Variants in CTTNBP2 observed in about 807,000 individuals in gnomAD.
CTTNBP2 encodes cortactin-binding protein 2.
CTTNBP2 carries 108 observed loss-of-function variants against 156.9 expected under a neutral mutation model. That is an observed-to-expected ratio of 0.69 (90% CI 0.59 to 0.81). The LOEUF is 0.81. Ranked by LOEUF, CTTNBP2 falls within the 30% of genes least tolerant of loss-of-function variation. The pLI, the probability that CTTNBP2 is intolerant of heterozygous loss-of-function variation, is 0.00. For missense variants in CTTNBP2, 1,924 were observed against 2,035.4 expected, an observed-to-expected ratio of 0.95 and a Z score of 1.05; for synonymous variants, 767 against 751.8, an observed-to-expected ratio of 1.02 and a Z score of -0.33.
intron 2 of CTTNBP2, among the ~76,000 whole-genome samples, chr7:117,814,056 AT>A (rs1340686177): frequency 6.6e-6 from 1 of 152,182 alleles, no homozygotes; most frequent in Non-Finnish European, 1.5e-5. Flanking sequence ...AACATATTTT[AT>A]GATGTACAGT....
At chr7:117,833,998 A>G (rs1357612802) in intron 2 of CTTNBP2, among the ~76,000 whole-genome samples, 4 of 152,130 alleles carry the variant, frequency 2.6e-5, no homozygotes, top group Non-Finnish European at 5.9e-5. Flanking sequence ...CAACATCTTA[A>G]TGGTGGCTTA....
Position 117,724,574 on chromosome 7 carries a change from AG to A in CTTNBP2, c.4419del (p.Trp1474GlyfsTer6). 2 of 1,613,866 alleles carry A rather than the reference AG, an allele frequency of 1.2e-6. No homozygotes were observed. The highest frequency in any genetic ancestry group is 1.7e-6 in the Non-Finnish European group (2 of 1,179,976). On this transcript the variant is annotated frameshift_variant, in exon 19 of 23. Coordinates refer to ENST00000160373, the MANE Select transcript of CTTNBP2 (RefSeq NM_033427.3). LOFTEE classifies it high-confidence loss of function. The part of the protein sequence containing the change: ...RRKSGRFSLP[T>X]WNKPDLSTEG... The stretch of plus-strand genomic sequence containing the variant: ...TCAGTGCTTAGGTCTGGCTTATTCC[AG>A]GTGGGTAAAGAGAAGCGGCCAGACT...
chr7:117,867,120 A>G (rs1007988437), intron 1 of CTTNBP2, among the ~76,000 whole-genome samples: 1 of 152,228 alleles, frequency 6.6e-6, no homozygotes. Context: ...AGAAAAGTAC[A>G]TACTTCTCAA....
intron 2 of CTTNBP2, among the ~76,000 whole-genome samples, chr7:117,827,076 C>G (rs935937357): frequency 3.3e-5 from 5 of 152,082 alleles, no homozygotes; most frequent in East Asian, 1.9e-4. Context: ...GCAGGCTGGT[C>G]TCAAACTCCT....
Position 117,861,212 on chromosome 7 carries a change from C to T in CTTNBP2, c.186G>A (p.Leu62=), listed in dbSNP as rs1053842004. ...CCCACTCCTGTGTCGTCCTTACCCG[C>T]AGGGCCTCGATGACAAGGTCTCTGG... The part of the protein sequence containing the change: ...LEARDLVIEA[L]RARRKEVFIQ... The change falls in exon 2 of 23, where the codon CTG becomes CTA. Residue 62 remains leucine (L), a synonymous_variant. Coordinates refer to ENST00000160373, the MANE Select transcript of CTTNBP2 (RefSeq NM_033427.3). 1.2e-5 allele frequency: 19 copies of T among 1,607,852 alleles called. No individual in the cohort carries two copies. In the African/African-American group the frequency reaches 1.6e-4, roughly 14 times the overall value.
rs115416769 is a variant in CTTNBP2, at chr7:117,749,705, T to C, written c.3349-3606A>G. 1.8e-3 allele frequency among the ~76,000 whole-genome samples: 266 copies of C among 147,308 alleles called. 5 individuals carry two copies. The highest frequency in any genetic ancestry group is 6.3e-3 in the African/African-American group (258 of 40,720). ...AATTTTCTAAGTGGTATAAATCTTT[T>C]TTTATTTTTTTTTTAATCACCAGGA... is the stretch of plus-strand genomic sequence containing the variant. On this transcript the variant is annotated intron_variant, in intron 12 of 22. Transcript: ENST00000160373.
chr7:117,873,237 A>G, intron 1 of CTTNBP2, 98 bp downstream of exon 1: 1 of 936,388 alleles, frequency 1.1e-6, no homozygotes, highest in Non-Finnish European at 1.4e-6. Flanking sequence ...GGCTTACGGA[A>G]CGCCCCGGGG....
chr7:117,799,283 C>T (rs1213246656), intron 3 of CTTNBP2, among the ~76,000 whole-genome samples: 1 of 151,436 alleles, frequency 6.6e-6, no homozygotes, highest in South Asian at 2.1e-4. Context: ...AAATGAAATC[C>T]ACCAATATAT....
chr7:117,738,565 T>C (rs1166779460), intron 14 of CTTNBP2, among the ~76,000 whole-genome samples: 1 of 152,114 alleles, frequency 6.6e-6, no homozygotes, highest in South Asian at 2.1e-4. Context: ...GGCTGACTTA[T>C]TGAAAGAGGG....
intron 2 of CTTNBP2, among the ~76,000 whole-genome samples, chr7:117,855,587 T>A (rs142413614): frequency 6.1e-4 from 93 of 152,294 alleles, no homozygotes; most frequent in African/African-American, 2.2e-3. Context: ...CTGCTAAATA[T>A]CTTACATGTG....
intron 12 of CTTNBP2, among the ~76,000 whole-genome samples, chr7:117,750,892 T>A (rs1323653064): frequency 6.6e-6 from 1 of 152,166 alleles, no homozygotes; most frequent in Non-Finnish European, 1.5e-5. Flanking sequence ...TTGAAAAAGA[T>A]CAAACACAAC....
chr7:117,852,112 G>A (rs1802965362), intron 2 of CTTNBP2, among the ~76,000 whole-genome samples: 1 of 152,024 alleles, frequency 6.6e-6, no homozygotes, highest in South Asian at 2.1e-4. Context: ...CCTTGGTAGT[G>A]CCTCTATCAT....
chr7:117,796,379 TAAGAG>T (rs1404256995), intron 3 of CTTNBP2, among the ~76,000 whole-genome samples: 3 of 152,170 alleles, frequency 2.0e-5, no homozygotes, highest in African/African-American at 7.2e-5. Flanking sequence ...TATGTGTACT[TAAGAG>T]AATAAGAGAT....
intron 4 of CTTNBP2, among the ~76,000 whole-genome samples, chr7:117,785,164 A>C (rs1056914881): frequency 3.3e-5 from 5 of 152,222 alleles, no homozygotes; most frequent in African/African-American, 9.6e-5. Flanking sequence ...AATGCCTAAC[A>C]AACTTTTAAT....
chr7:117,722,527 A>G (rs1449365388), intron 19 of CTTNBP2, among the ~76,000 whole-genome samples: 4 of 152,184 alleles, frequency 2.6e-5, no homozygotes, highest in African/African-American at 9.6e-5. Flanking sequence ...TTCTAAAACT[A>G]AAATTATTAA....
intron 2 of CTTNBP2, among the ~76,000 whole-genome samples, chr7:117,820,847 A>T (rs1294714129): frequency 6.6e-6 from 1 of 152,174 alleles, no homozygotes; most frequent in African/African-American, 2.4e-5. Flanking sequence ...AAATTTTAGA[A>T]TCAGTTTGTA....
rs975644540 is a variant in CTTNBP2, at chr7:117,747,471, C to G, written c.3349-1372G>C. 2.0e-5 allele frequency among the ~76,000 whole-genome samples: 3 copies of G among 152,168 alleles called. No homozygotes were observed. The East Asian group carries it at 5.8e-4, about 29-fold the overall frequency. ...AACTAAACTTTTTCCTTACCCTAGG[C>G]CTTTAAGACTTGAGCTTTGGGCCGC... On this transcript the variant is annotated intron_variant, in intron 12 of 22. Coordinates refer to ENST00000160373, the MANE Select transcript of CTTNBP2 (RefSeq NM_033427.3).
intron 2 of CTTNBP2, among the ~76,000 whole-genome samples, chr7:117,833,129 C>T (rs1161934138): frequency 2.0e-5 from 3 of 152,098 alleles, no homozygotes; most frequent in Non-Finnish European, 4.4e-5. Flanking sequence ...GTCCAGGTAT[C>T]CCATAAGTCC....
At chr7:117,809,192 A>G (rs1800120156) in intron 3 of CTTNBP2, among the ~76,000 whole-genome samples, 1 of 152,188 alleles carries the variant, frequency 6.6e-6, no homozygotes, top group Non-Finnish European at 1.5e-5. Flanking sequence ...TTGATTTAAA[A>G]AAAAAAAATC....
Sources: gnomAD v4.1 joint callset for allele counts (sites outside exome capture counted in the v4.1 genomes callset) on GRCh38, gnomAD v4.1.1 for gene constraint, MANE v1.5 for transcripts, NCBI Gene and HGNC (gene_info 2026-07-23, HGNC 2026-07-21) for gene names.